Variants in NDST3 observed in about 807,000 individuals in gnomAD.
NDST3 encodes the protein bifunctional heparan sulfate N-deacetylase/N-sulfotransferase 3.
In NDST3, 58 loss-of-function variants were observed where a neutral mutation model predicts 96.1. The ratio of observed to expected loss-of-function variants is 0.60; its 90% confidence interval spans 0.49 to 0.75. NDST3 has a LOEUF of 0.75. Among genes scored for constraint, NDST3 ranks in the 30% least tolerant of loss-of-function variants. The pLI is 0.00. For synonymous variants in NDST3, 333 were observed against 359.7 expected, an observed-to-expected ratio of 0.93 and a Z score of 0.84; for missense variants, 788 against 1,034.2, an observed-to-expected ratio of 0.76 and a Z score of 3.27.
At chr4:118,105,153 CTATT>C in intron 3 of NDST3, 48 bp downstream of exon 3, 3 of 1,446,242 alleles carry the variant, frequency 2.1e-6, no homozygotes, top group Non-Finnish European at 2.9e-6. Context: ...TCTGATCACT[CTATT>C]TAAAATTGCA....
intron 6 of NDST3, among the ~76,000 whole-genome samples, chr4:118,170,774 T>A (rs1735892654): frequency 1.3e-5 from 2 of 152,162 alleles, no homozygotes; most frequent in Non-Finnish European, 2.9e-5. Flanking sequence ...CTGTAAGTAA[T>A]CAGAGAATAG....
At chr4:118,055,965 C>G (rs1382944427) in intron 2 of NDST3, among the ~76,000 whole-genome samples, 1 of 151,866 alleles carries the variant, frequency 6.6e-6, no homozygotes, top group African/African-American at 2.4e-5. Context: ...AAAAAAACTT[C>G]CATATTCTTG....
intron 6 of NDST3, among the ~76,000 whole-genome samples, chr4:118,222,594 A>G (rs944979356): frequency 6.6e-6 from 1 of 152,024 alleles, no homozygotes; most frequent in Admixed American, 6.6e-5. Context: ...AAGTGGGAAT[A>G]TAAAAATAGA....
rs1020953643 is a variant in NDST3, at chr4:118,139,675, C to T, written c.1410+1436C>T. ...AGCAACTTTTTTCTGATGATCCATT[C>T]CCAAATCCAACTCAAAAGGTCTCAT... On this transcript the variant is annotated intron_variant, in intron 5 of 13. Coordinates refer to ENST00000296499, the MANE Select transcript of NDST3 (RefSeq NM_004784.3). Among the ~76,000 whole-genome samples, 9 of 152,224 alleles carry T rather than the reference C, an allele frequency of 5.9e-5. No homozygotes were observed. The South Asian group carries it at 6.2e-4, about 11-fold the overall frequency.
In NDST3 at chr4:118,107,718, C is replaced by T. The variant is rs1049878383; in HGVS notation, c.1069+2613C>T. Among the ~76,000 whole-genome samples the T allele has an allele frequency of 1.2e-4, 13 of 112,276 alleles. No individual in the cohort carries two copies. The South Asian group carries it at 2.3e-3, about 20-fold the overall frequency. The allele number at this position is 112,276 out of a possible 152,430, so 73.7% of individuals were successfully genotyped here. A position where few individuals can be genotyped will look rare whatever the true frequency, so the allele number is the denominator to read the frequency against. ...TACCAAGTAGTTAAGTAACTTGTGC[C>T]ATGCAAGATGTCTTAAATAAGATAG... On this transcript the variant is annotated intron_variant, in intron 3 of 13. Coordinates refer to ENST00000296499, the MANE Select transcript of NDST3 (RefSeq NM_004784.3).
At chr4:118,112,645 G>A (rs559027554) in intron 3 of NDST3, among the ~76,000 whole-genome samples, 1 of 152,160 alleles carries the variant, frequency 6.6e-6, no homozygotes, top group South Asian at 2.1e-4. Flanking sequence ...TCATTCTTAT[G>A]TCAAGCAAAA....
chr4:118,255,415 T>C (rs1015515658), intron 13 of NDST3, among the ~76,000 whole-genome samples, 178 bp from the exon 14 acceptor site: 5 of 143,970 alleles, frequency 3.5e-5, no homozygotes, highest in African/African-American at 1.3e-4. Context: ...GTAAGAAAAA[T>C]GCCAGTACCC....
chr4:118,098,249 T>G (rs1729499769), intron 2 of NDST3, among the ~76,000 whole-genome samples: 1 of 151,954 alleles, frequency 6.6e-6, no homozygotes, highest in Non-Finnish European at 1.5e-5. Context: ...TATTTTAAAT[T>G]AAGGTATTAA....
At chr4:118,095,541 G>A (rs1729228322) in intron 2 of NDST3, among the ~76,000 whole-genome samples, 1 of 150,970 alleles carries the variant, frequency 6.6e-6, no homozygotes, top group Non-Finnish European at 1.5e-5. Context: ...AGTACTCACA[G>A]TTGTACATTC....
At chr4:118,050,094 A>C (rs2110439744) in intron 1 of NDST3, among the ~76,000 whole-genome samples, 1 of 152,312 alleles carries the variant, frequency 6.6e-6, no homozygotes, top group African/African-American at 2.4e-5. Context: ...CAAATCAATA[A>C]ATGTCATTTA....
At chr4:118,039,768 A>G (rs1324931422) in intron 1 of NDST3, among the ~76,000 whole-genome samples, 2 of 152,172 alleles carry the variant, frequency 1.3e-5, no homozygotes, top group African/African-American at 4.8e-5. Flanking sequence ...AGCATGTGGA[A>G]AGACCCTGAG....
At chr4:118,092,121 G>T (rs1295721388) in intron 2 of NDST3, among the ~76,000 whole-genome samples, 1 of 150,958 alleles carries the variant, frequency 6.6e-6, no homozygotes, top group Non-Finnish European at 1.5e-5. Flanking sequence ...GTGCAGGTTT[G>T]TCACATATGT....
At chr4:118,201,778 T>A (rs1386931771) in intron 6 of NDST3, among the ~76,000 whole-genome samples, 19 of 152,130 alleles carry the variant, frequency 1.2e-4, no homozygotes, top group Non-Finnish European at 2.6e-4. Flanking sequence ...GTGCAGAAGC[T>A]TTTTAGTTTA....
intron 6 of NDST3, among the ~76,000 whole-genome samples, chr4:118,200,589 CT>C (rs1165639077): frequency 6.6e-6 from 1 of 152,118 alleles, no homozygotes; most frequent in Non-Finnish European, 1.5e-5. Context: ...GGATAGCTTT[CT>C]TTTTTGTCTT....
intron 6 of NDST3, among the ~76,000 whole-genome samples, chr4:118,208,952 T>C (rs1369071558): frequency 8.8e-6 from 1 of 113,854 alleles, no homozygotes; most frequent in Non-Finnish European, 2.0e-5. Flanking sequence ...AATTCAGCCT[T>C]ATGAGCAAAT....
intron 6 of NDST3, among the ~76,000 whole-genome samples, chr4:118,175,492 T>C (rs904951207): frequency 6.6e-6 from 1 of 152,168 alleles, no homozygotes; most frequent in Non-Finnish European, 1.5e-5. Flanking sequence ...TAAAAGTTGC[T>C]GTCTTATCTA....
chr4:118,255,110 G>C (rs1015153515), intron 13 of NDST3, among the ~76,000 whole-genome samples: 5 of 152,126 alleles, frequency 3.3e-5, no homozygotes, highest in African/African-American at 1.2e-4. Flanking sequence ...ATGTTTAAGA[G>C]ACACTGCAGA....
intron 6 of NDST3, among the ~76,000 whole-genome samples, chr4:118,157,787 G>A (rs1734813261): frequency 6.6e-6 from 1 of 152,042 alleles, no homozygotes; most frequent in Non-Finnish European, 1.5e-5. Flanking sequence ...AAAAGGATGA[G>A]GGAGAGATAA....
At chr4:118,090,277 TA>T (rs1728758530) in intron 2 of NDST3, among the ~76,000 whole-genome samples, 1 of 152,008 alleles carries the variant, frequency 6.6e-6, no homozygotes, top group South Asian at 2.1e-4. Flanking sequence ...TCAAATATTT[TA>T]AACAGCAAGT....
Sources: allele counts gnomAD v4.1 joint callset (sites outside exome capture counted in the v4.1 genomes callset), GRCh38; gene constraint gnomAD v4.1.1; transcripts MANE v1.5; gene names NCBI Gene and HGNC (gene_info 2026-07-23, HGNC 2026-07-21).